SAFB: variants seen among roughly 807,000 people sequenced by gnomAD.
SAFB encodes scaffold attachment factor B1.
Under a neutral mutation model 101.6 loss-of-function variants are expected in SAFB, and 15 were observed. The observed-to-expected ratio is 0.15, with a 90% CI of 0.10 to 0.23. SAFB has a LOEUF of 0.23. Ranked by LOEUF, SAFB falls within the 10% of genes least tolerant of loss-of-function variation. The pLI is 1.00. For missense variants in SAFB, 930 were observed against 1,104.1 expected (o/e 0.84, Z 2.23); for synonymous variants, 449 against 407.5 (o/e 1.10, Z -1.23).
At chr19:5,625,782 T>C (rs2053344592) in intron 1 of SAFB, among the ~76,000 whole-genome samples, 1 of 152,118 alleles carries the variant, frequency 6.6e-6, no homozygotes, top group South Asian at 2.1e-4. Context: ...CACAATCACC[T>C]AGTGGTTGAG....
rs1474565268 is a variant in SAFB at position 5,661,725 on chromosome 19, G to A, written c.2070G>A (p.Glu690=). The A allele has an allele frequency of 1.3e-6, 2 of 1,595,688 alleles. No homozygotes were observed. The highest frequency in any genetic ancestry group is 2.3e-5 in the East Asian group (1 of 44,254). The change falls in exon 15 of 21, where the codon GAG becomes GAA. Residue 690 remains glutamate (E), a synonymous_variant. Transcript: ENST00000588852. The stretch of plus-strand genomic sequence containing the variant: ...GCGAGCAGGAGCGCATCCACCGTGA[G>A]CGCGAGGAGCTGAGGCGCCAGCAGG... ...RRREQERIHR[E]REELRRQQEL... is the part of the protein sequence containing the mutation.
rs759440397 is a variant in SAFB at position 5,664,172 on chromosome 19, C to T, written c.2291+13C>T. The T allele has an allele frequency of 2.2e-5, 35 of 1,611,922 alleles. No homozygotes were observed. Among genetic ancestry groups the T allele is most frequent in the Non-Finnish European group, 2.6e-5 (31 of 1,179,356 alleles). ...ACTCGGTGGACAGGTCAGTTGGGCC[C>T]CTGCTGGGCGTGCGGGTTTTCTTTT... On this transcript the variant is annotated intron_variant, in intron 16 of 20. Coordinates refer to ENST00000588852, the MANE Select transcript of SAFB (RefSeq NM_001201338.2).
intron 13 of SAFB, among the ~76,000 whole-genome samples, chr19:5,656,899 T>C (rs2054075486): frequency 6.6e-6 from 1 of 152,002 alleles, no homozygotes. Flanking sequence ...GCCTCCCAAG[T>C]AGCTGGGACT....
intron 2 of SAFB, among the ~76,000 whole-genome samples, chr19:5,640,434 C>T (rs1307376395): frequency 7.8e-6 from 1 of 128,674 alleles, no homozygotes. Context: ...GGTGTGATCT[C>T]GGCTAACTGC....
intron 2 of SAFB, among the ~76,000 whole-genome samples, chr19:5,638,701 A>G (rs993868880): frequency 7.1e-6 from 1 of 140,908 alleles, no homozygotes; most frequent in Non-Finnish European, 1.5e-5. Flanking sequence ...TTTTTTTTAT[A>G]CTTAATCTTA....
intron 14 of SAFB, among the ~76,000 whole-genome samples, chr19:5,659,368 G>C (rs1407102005): frequency 6.6e-6 from 1 of 151,860 alleles, no homozygotes; most frequent in Non-Finnish European, 1.5e-5. Flanking sequence ...TGCCTATAAA[G>C]TTATCACCCT....
At chr19:5,631,988 A>C (rs2053500060) in intron 2 of SAFB, among the ~76,000 whole-genome samples, 1 of 152,212 alleles carries the variant, frequency 6.6e-6, no homozygotes, top group Non-Finnish European at 1.5e-5. Flanking sequence ...TTGAGGTTGC[A>C]GTGAACCATG....
chr19:5,623,581 A>G (rs868372405), intron 1 of SAFB, among the ~76,000 whole-genome samples, 187 bp downstream of exon 1: 3 of 152,128 alleles, frequency 2.0e-5, no homozygotes, highest in African/African-American at 4.8e-5. Flanking sequence ...CCTGGGTTCA[A>G]ATCCTAACGC....
intron 5 of SAFB, among the ~76,000 whole-genome samples, chr19:5,645,757 G>A (rs368668542): frequency 6.6e-6 from 1 of 152,230 alleles, no homozygotes; most frequent in East Asian, 1.9e-4. Flanking sequence ...GACAGCAAGA[G>A]GGCATGGCTA....
chr19:5,652,579 T>C (rs1228907738), intron 9 of SAFB, among the ~76,000 whole-genome samples: 2 of 152,166 alleles, frequency 1.3e-5, no homozygotes, highest in Non-Finnish European at 1.5e-5. Flanking sequence ...AACTGCATCC[T>C]GCTGGAGTCG....
chr19:5,637,844 A>G (rs1463407058), intron 2 of SAFB, among the ~76,000 whole-genome samples: 11 of 152,228 alleles, frequency 7.2e-5, no homozygotes, highest in African/African-American at 7.2e-5. Context: ...ATGATGCTAC[A>G]TTATGCCTTG....
chr19:5,653,602 ACTAAGGTGTGCACCACCACACCCGG>A (rs775920095), intron 11 of SAFB, among the ~76,000 whole-genome samples, 182 bp downstream of exon 11: 1 of 152,068 alleles, frequency 6.6e-6, no homozygotes, highest in Non-Finnish European at 1.5e-5. Context: ...AGTATCTGGG[ACTAAGGTGTGCACCACCACACCCGG>A]CTAATTTTTG....
intron 14 of SAFB, among the ~76,000 whole-genome samples, chr19:5,658,909 G>A (rs570291843): frequency 1.8e-3 from 274 of 152,120 alleles, no homozygotes; most frequent in African/African-American, 6.5e-3. Context: ...CACTTTGGGA[G>A]GCCGAGGTGG....
At chr19:5,627,850 T>C (rs2053400888) in intron 2 of SAFB, among the ~76,000 whole-genome samples, 2 of 152,234 alleles carry the variant, frequency 1.3e-5, no homozygotes. Context: ...TTATGTCATC[T>C]TGCCTTCTGT....
intron 14 of SAFB, among the ~76,000 whole-genome samples, chr19:5,659,211 G>T (rs1036593988): frequency 1.3e-5 from 2 of 149,504 alleles, no homozygotes; most frequent in Non-Finnish European, 3.0e-5. Context: ...AGGCTGAGGC[G>T]GGAGAATCGT....
chr19:5,640,881 C>T (rs1276779338), intron 2 of SAFB, among the ~76,000 whole-genome samples: 1 of 151,784 alleles, frequency 6.6e-6, no homozygotes, highest in East Asian at 1.9e-4. Context: ...CATGAGCCAC[C>T]GTGCCCAGCC....
intron 10 of SAFB, 30 bp downstream of exon 10, chr19:5,653,294 G>A: frequency 6.2e-7 from 1 of 1,614,034 alleles, no homozygotes; most frequent in Non-Finnish European, 8.5e-7. Context: ...CCAGGATATA[G>A]CCCACATTAG....
rs2054370767 is a variant in SAFB at position 5,667,867 on chromosome 19, A to T, written c.2605A>T (p.Asn869Tyr). 6.2e-7 allele frequency: 1 copy of T among 1,610,222 alleles called. No individual in the cohort carries two copies. The highest frequency in any genetic ancestry group is 1.1e-5 in the South Asian group (1 of 90,606). Reference protein sequence around the residue: ...SGHSGPGHMMNRGGMSGRGSF... With the variant: ...SGHSGPGHMMYRGGMSGRGSF... ...TCACTCCGGGCCTGGCCACATGATG[A>T]ACCGAGGAGGAATGTCAGGGTAAGG... Residue 869 changes from asparagine (N) to tyrosine (Y), a missense_variant, in exon 20 of 21, where the codon AAC (asparagine) becomes TAC (tyrosine). Asn to Tyr is a moderately radical substitution (Grantham distance 143). Around this residue, in one of 7 missense-constraint regions of SAFB, gnomAD observed 318 missense variants for 342.6 expected, o/e 0.93. Coordinates refer to ENST00000588852, the MANE Select transcript of SAFB (RefSeq NM_001201338.2). This position sits in a 1 kb window ranked among gnomAD's most constrained non-coding sequence, Gnocchi z 4.0.
intron 2 of SAFB, among the ~76,000 whole-genome samples, chr19:5,640,074 G>A (rs1366047827): frequency 6.6e-6 from 1 of 151,880 alleles, no homozygotes. Flanking sequence ...GGCTAGTCCC[G>A]AAATCCTGAC....
Sources: gnomAD v4.1 joint callset for allele counts (sites outside exome capture counted in the v4.1 genomes callset) on GRCh38, gnomAD v4.1.1 for gene constraint, gnomAD v4.1.1 regional missense constraint, Gnocchi (gnomAD v3.1) non-coding constraint, MANE v1.5 for transcripts, NCBI Gene and HGNC (gene_info 2026-07-23, HGNC 2026-07-21) for gene names.